LRRC4C: variants seen among roughly 807,000 people sequenced by gnomAD.
LRRC4C encodes leucine rich repeat containing 4C, also known as leucine-rich repeat-containing protein 4C.
LRRC4C carries 5 observed loss-of-function variants against 33.6 expected under a neutral mutation model. The observed-to-expected ratio is 0.15, with a 90% CI of 0.08 to 0.31. LRRC4C has a LOEUF of 0.31. Among genes scored for constraint, LRRC4C ranks in the 10% least tolerant of loss-of-function variants. LRRC4C has a pLI of 1.00. For synonymous variants in LRRC4C, 329 were observed against 302.0 expected, an observed-to-expected ratio of 1.09 and a Z score of -0.93; for missense variants, 560 against 796.7, an observed-to-expected ratio of 0.70 and a Z score of 3.58.
intron 3 of LRRC4C, among the ~76,000 whole-genome samples, chr11:40,359,783 A>G (rs1256898756): frequency 1.3e-5 from 2 of 152,198 alleles, no homozygotes; most frequent in Admixed American, 6.6e-5. Context: ...ATTCATTTCC[A>G]TGAGCATTTT....
intron 1 of LRRC4C, among the ~76,000 whole-genome samples, chr11:41,028,969 T>C (rs1037379438): frequency 2.0e-5 from 3 of 151,892 alleles, no homozygotes; most frequent in African/African-American, 7.2e-5. Flanking sequence ...ATCACACATT[T>C]ATATGTATAT....
chr11:40,489,998 T>C (rs946926318), intron 3 of LRRC4C, among the ~76,000 whole-genome samples: 1 of 152,116 alleles, frequency 6.6e-6, no homozygotes. Flanking sequence ...CAGAAATATA[T>C]TGAAAATACC....
intron 5 of LRRC4C, among the ~76,000 whole-genome samples, chr11:40,185,707 C>T (rs890697342): frequency 3.3e-5 from 5 of 152,030 alleles, no homozygotes; most frequent in Middle Eastern, 3.4e-3. Context: ...AGAAAGAGCA[C>T]GAGAGGGGTG....
chr11:40,222,309 G>A (rs1357996904), intron 5 of LRRC4C, among the ~76,000 whole-genome samples: 1 of 152,108 alleles, frequency 6.6e-6, no homozygotes, highest in Admixed American at 6.5e-5. Flanking sequence ...GAGCCCCCAT[G>A]TATTTGTTTG....
intron 1 of LRRC4C, among the ~76,000 whole-genome samples, chr11:41,194,511 C>G (rs1946098403): frequency 6.6e-6 from 1 of 152,068 alleles, no homozygotes; most frequent in African/African-American, 2.4e-5. Context: ...TGATAATGAC[C>G]ATTTTGCCAG....
chr11:41,086,449 C>T (rs183807486), intron 1 of LRRC4C, among the ~76,000 whole-genome samples: 9 of 152,038 alleles, frequency 5.9e-5, no homozygotes, highest in African/African-American at 2.2e-4. Flanking sequence ...TATTGTAAAA[C>T]GTTGCTATAA....
At chr11:40,455,909 G>T (rs1225717113) in intron 3 of LRRC4C, among the ~76,000 whole-genome samples, 1 of 152,064 alleles carries the variant, frequency 6.6e-6, no homozygotes, top group East Asian at 1.9e-4. Flanking sequence ...GGCCATATTA[G>T]TATGTGAAAG....
intron 1 of LRRC4C, among the ~76,000 whole-genome samples, chr11:41,038,379 T>C (rs1222793701): frequency 6.6e-6 from 1 of 152,220 alleles, no homozygotes; most frequent in Non-Finnish European, 1.5e-5. Flanking sequence ...ATAAGCCAGT[T>C]AATCCTCTTA....
intron 4 of LRRC4C, among the ~76,000 whole-genome samples, chr11:40,266,375 T>A (rs1942256947): frequency 6.6e-6 from 1 of 151,982 alleles, no homozygotes; most frequent in Non-Finnish European, 1.5e-5. Context: ...AATCCAGCAC[T>A]TTGGGAGTCC....
At chr11:40,530,899 C>A (rs1956245138) in intron 3 of LRRC4C, among the ~76,000 whole-genome samples, 1 of 152,110 alleles carries the variant, frequency 6.6e-6, no homozygotes, top group Admixed American at 6.6e-5. Flanking sequence ...CTCTGTTTAA[C>A]TCCCGATTCT....
At chr11:40,448,225 T>A (rs1405131902) in intron 3 of LRRC4C, among the ~76,000 whole-genome samples, 1 of 152,100 alleles carries the variant, frequency 6.6e-6, no homozygotes, top group Non-Finnish European at 1.5e-5. Flanking sequence ...TTCACAGAGA[T>A]CTTGGTCTAC....
At chr11:40,874,203 T>C (rs1426554759) in intron 2 of LRRC4C, among the ~76,000 whole-genome samples, 1 of 152,212 alleles carries the variant, frequency 6.6e-6, no homozygotes, top group Non-Finnish European at 1.5e-5. Context: ...GGTTTTCTTT[T>C]CATGCCCCCA....
At chr11:40,388,918 G>A (rs1249347459) in intron 3 of LRRC4C, among the ~76,000 whole-genome samples, 2 of 152,146 alleles carry the variant, frequency 1.3e-5, no homozygotes, top group African/African-American at 4.8e-5. Flanking sequence ...ATTTTTAGGA[G>A]ACCAAGAGTT....
chr11:40,743,647 C>T (rs1267229616), intron 2 of LRRC4C, among the ~76,000 whole-genome samples: 1 of 151,986 alleles, frequency 6.6e-6, no homozygotes, highest in Non-Finnish European at 1.5e-5. Flanking sequence ...CTAACTTCAC[C>T]CTCCAGTCTA....
intron 3 of LRRC4C, among the ~76,000 whole-genome samples, chr11:40,383,989 G>A (rs1419501378): frequency 6.9e-6 from 1 of 145,754 alleles, no homozygotes; most frequent in Non-Finnish European, 1.5e-5. Flanking sequence ...TATATATTTT[G>A]GATATTAATC....
intron 2 of LRRC4C, among the ~76,000 whole-genome samples, chr11:40,913,240 A>G (rs972766062): frequency 3.3e-5 from 5 of 152,206 alleles, no homozygotes; most frequent in African/African-American, 9.7e-5. Flanking sequence ...TCAACAGAAT[A>G]TACATTATTT....
intron 1 of LRRC4C, among the ~76,000 whole-genome samples, chr11:41,353,094 T>C (rs1397639314): frequency 6.6e-6 from 1 of 151,972 alleles, no homozygotes; most frequent in Admixed American, 6.6e-5. Context: ...CAAAAGTTGG[T>C]ACTTTGAAAG....
intron 2 of LRRC4C, among the ~76,000 whole-genome samples, chr11:40,809,597 A>G (rs563153743): frequency 6.6e-6 from 1 of 152,106 alleles, no homozygotes; most frequent in East Asian, 1.9e-4. Flanking sequence ...CCCCTCCTCC[A>G]CACAGAAAAA....
chr11:41,124,387 C>A (rs969419590), intron 1 of LRRC4C, among the ~76,000 whole-genome samples: 1 of 152,172 alleles, frequency 6.6e-6, no homozygotes, highest in African/African-American at 2.4e-5. Flanking sequence ...ATATAAGCCA[C>A]GGTCTTTAAG....
Sources: allele counts gnomAD v4.1 joint callset (sites outside exome capture counted in the v4.1 genomes callset), GRCh38; gene constraint gnomAD v4.1.1; transcripts MANE v1.5; gene names NCBI Gene and HGNC (gene_info 2026-07-23, HGNC 2026-07-21).